FILIP1L: variants seen among roughly 807,000 people sequenced by gnomAD.
FILIP1L encodes the protein filamin A interacting protein 1 like.
A neutral mutation model predicts 96.6 loss-of-function variants in FILIP1L; 55 were observed. The observed-to-expected ratio is 0.57, with a 90% CI of 0.46 to 0.71. FILIP1L has a LOEUF of 0.71. Among genes scored for constraint, FILIP1L ranks in the 30% least tolerant of loss-of-function variants. The probability of loss-of-function intolerance (pLI) is 0.00; values close to 1 mark genes in which losing one functional copy is unlikely to be tolerated. For synonymous variants in FILIP1L, 467 were observed against 473.9 expected (o/e 0.99, Z 0.19); for missense variants, 1,304 against 1,321.2 (o/e 0.99, Z 0.20).
rs1707218270 is a variant in FILIP1L, at chr3:99,924,295, T to C, written c.540A>G (p.Arg180=). The C allele has an allele frequency of 6.2e-7, 1 of 1,613,976 alleles. No homozygotes were observed. The highest frequency in any genetic ancestry group is 1.3e-5 in the African/African-American group (1 of 74,924). Reference sequence around the variant, plus strand: ...TCTTCTCCATGTATTCTTTATGTTTTCTCTTTTCTTCCTCCAACTCCAATA... The same window carrying C: ...TCTTCTCCATGTATTCTTTATGTTTCCTCTTTTCTTCCTCCAACTCCAATA... The part of the protein sequence containing the change: ...QTILELEEEK[R]KHKEYMEKSD... Residue 180 remains arginine, a synonymous_variant, in exon 4 of 6, where the codon AGA becomes AGG. Transcript: ENST00000477258.
At chr3:99,914,193 G>A (rs1483533979) in intron 4 of FILIP1L, among the ~76,000 whole-genome samples, 1 of 152,158 alleles carries the variant, frequency 6.6e-6, no homozygotes, top group Non-Finnish European at 1.5e-5. Flanking sequence ...TGGTGAGAAA[G>A]GTAAGCCAGG....
At chr3:99,889,810 A>G (rs1016311235) in intron 4 of FILIP1L, among the ~76,000 whole-genome samples, 1 of 152,036 alleles carries the variant, frequency 6.6e-6, no homozygotes, top group African/African-American at 2.4e-5. Flanking sequence ...TCCTCCAAAA[A>G]AATCTAAGGA....
At chr3:99,901,826 A>G (rs768620194) in intron 4 of FILIP1L, among the ~76,000 whole-genome samples, 45 of 152,154 alleles carry the variant, frequency 3.0e-4, no homozygotes, top group Non-Finnish European at 5.3e-4. Context: ...ACACACACAC[A>G]TACACACACA....
intron 1 of FILIP1L, among the ~76,000 whole-genome samples, chr3:99,973,218 C>G (rs547696930): frequency 2.0e-5 from 3 of 152,104 alleles, no homozygotes; most frequent in Non-Finnish European, 4.4e-5. Flanking sequence ...ACATCATAAA[C>G]AAAATGAATA....
intron 1 of FILIP1L, among the ~76,000 whole-genome samples, chr3:100,056,860 C>T (rs542610797): frequency 3.3e-5 from 5 of 152,102 alleles, no homozygotes; most frequent in South Asian, 4.1e-4. Flanking sequence ...AAAAATTAGC[C>T]GGGTGTGATG....
intron 4 of FILIP1L, among the ~76,000 whole-genome samples, chr3:99,893,277 T>C (rs1178106666): frequency 6.6e-6 from 1 of 150,946 alleles, no homozygotes; most frequent in African/African-American, 2.4e-5. Context: ...GCCATTCTCC[T>C]GTCTCAGCCT....
chr3:99,944,474 A>G (rs1259604935), intron 1 of FILIP1L, among the ~76,000 whole-genome samples: 1 of 152,220 alleles, frequency 6.6e-6, no homozygotes. Flanking sequence ...CACAACAGCA[A>G]CACAAAATTT....
chr3:99,995,331 AGGTCACACTGATGTAAGAGG>A (rs960414036), intron 1 of FILIP1L, among the ~76,000 whole-genome samples: 2 of 152,202 alleles, frequency 1.3e-5, no homozygotes, highest in African/African-American at 4.8e-5. Context: ...TCTCACATCC[AGGTCACACTGATGTAAGAGG>A]TGGGTTCCCA....
intron 1 of FILIP1L, among the ~76,000 whole-genome samples, chr3:99,974,041 T>C (rs1256745880): frequency 6.6e-6 from 1 of 152,244 alleles, no homozygotes. Flanking sequence ...CTTCCAAGTT[T>C]AAGAACAAGA....
chr3:100,045,174 A>G (rs1157185977), intron 1 of FILIP1L, among the ~76,000 whole-genome samples: 1 of 152,264 alleles, frequency 6.6e-6, no homozygotes, highest in East Asian at 1.9e-4. Flanking sequence ...AAAGCTGCGA[A>G]TATGACCTCT....
intron 4 of FILIP1L, among the ~76,000 whole-genome samples, chr3:99,872,440 T>C (rs1320920564): frequency 1.3e-5 from 2 of 152,068 alleles, no homozygotes; most frequent in Non-Finnish European, 2.9e-5. Flanking sequence ...CTTTTGCTGA[T>C]AATAACTCCT....
At chr3:99,973,982 G>A (rs374267150) in intron 1 of FILIP1L, among the ~76,000 whole-genome samples, 1 of 152,190 alleles carries the variant, frequency 6.6e-6, no homozygotes, top group Non-Finnish European at 1.5e-5. Flanking sequence ...CCAAATAGCT[G>A]GCTGAATTGC....
chr3:100,109,356 C>T (rs2066449330), intron 1 of FILIP1L, among the ~76,000 whole-genome samples: 1 of 152,074 alleles, frequency 6.6e-6, no homozygotes, highest in African/African-American at 2.4e-5. Context: ...GTAAAATTAC[C>T]TCTTATATAA....
intron 1 of FILIP1L, among the ~76,000 whole-genome samples, chr3:99,943,066 CT>C: frequency 6.6e-6 from 1 of 152,292 alleles, no homozygotes; most frequent in Non-Finnish European, 1.5e-5. Flanking sequence ...TGGACCTCCA[CT>C]TTTGGAGTCA....
At chr3:100,055,115 G>A (rs370130124) in intron 1 of FILIP1L, among the ~76,000 whole-genome samples, 6 of 152,040 alleles carry the variant, frequency 3.9e-5, no homozygotes, top group East Asian at 1.9e-4. Flanking sequence ...CAAAGTCCTC[G>A]TGGTCTGCCC....
rs773046692 is a variant in FILIP1L at position 99,850,490 on chromosome 3, A to C, written c.1186T>G (p.Cys396Gly). ...TCAAGCCTCTTATTGAGATCTCTGCACTGCTCCTCCATTTTTATGAGCTCT... is the reference window on the plus strand; with the variant it reads ...TCAAGCCTCTTATTGAGATCTCTGCCCTGCTCCTCCATTTTTATGAGCTCT... ...DEELIKMEEQ[C>G]RDLNKRLERE... The change falls in exon 5 of 6, where the codon TGC becomes GGC. Residue 396 changes from cysteine (C) to glycine (G), a missense_variant. Cys to Gly is a radical substitution (Grantham distance 159). Coordinates refer to ENST00000477258, the MANE Select transcript of FILIP1L (RefSeq NM_001387850.1). The C allele has an allele frequency of 4.3e-6, 7 of 1,613,442 alleles. No individual in the cohort carries two copies. Among genetic ancestry groups the C allele is most frequent in the Non-Finnish European group, 5.9e-6 (7 of 1,179,886 alleles).
intron 1 of FILIP1L, among the ~76,000 whole-genome samples, chr3:99,940,428 CCTTT>C (rs1467467300): frequency 6.6e-6 from 1 of 152,182 alleles, no homozygotes; most frequent in Non-Finnish European, 1.5e-5. Context: ...AGTCACTTAA[CCTTT>C]CTATTTTCTT....
chr3:99,940,868 G>A (rs913723077), intron 1 of FILIP1L, among the ~76,000 whole-genome samples: 1 of 152,180 alleles, frequency 6.6e-6, no homozygotes, highest in Non-Finnish European at 1.5e-5. Context: ...ACATTCCAAC[G>A]TGAGGTCTTC....
Position 99,849,683 on chromosome 3 carries a change from T to G in FILIP1L, c.1993A>C (p.Asn665His). ...EYETLERRYA[N>H]ERDKAQFLSK... ...AAAAATTGAGCTTTGTCTCGTTCAT[T>G]AGCATACCTTCGTTCTAGAGTCTCA... is the stretch of plus-strand genomic sequence containing the variant. Residue 665 changes from asparagine (N) to histidine (H), a missense_variant, in exon 5 of 6, where the codon AAT becomes CAT. By Grantham distance (68) the Asn-to-His change is moderately conservative (BLOSUM62 1). Coordinates refer to ENST00000477258, the MANE Select transcript of FILIP1L (RefSeq NM_001387850.1). 1 of 1,613,532 alleles carries G rather than the reference T, an allele frequency of 6.2e-7. No homozygotes were observed. The highest frequency in any genetic ancestry group is 8.5e-7 in the Non-Finnish European group (1 of 1,179,938).
Sources: gnomAD v4.1 joint callset for allele counts (sites outside exome capture counted in the v4.1 genomes callset) on GRCh38, gnomAD v4.1.1 for gene constraint, MANE v1.5 for transcripts, NCBI Gene and HGNC (gene_info 2026-07-23, HGNC 2026-07-21) for gene names.